Variants in AMY2B observed in about 807,000 individuals in gnomAD.
AMY2B encodes the protein alpha-amylase 2B.
A neutral mutation model predicts 59.3 loss-of-function variants in AMY2B; 63 were observed. The observed-to-expected ratio is 1.06, with a 90% CI of 0.87 to 1.31. AMY2B has a LOEUF of 1.31. Ranked by LOEUF, AMY2B falls within the 50% of genes most tolerant of loss-of-function variation. The pLI, the probability that AMY2B is intolerant of heterozygous loss-of-function variation, is 0.00. For synonymous variants in AMY2B, 180 were observed against 198.1 expected, an observed-to-expected ratio of 0.91 and a Z score of 0.77; for missense variants, 635 against 626.7, an observed-to-expected ratio of 1.01 and a Z score of -0.14.
chr1:103,575,479 C>A lies in AMY2B; in HGVS notation c.1040C>A (p.Pro347His). The A allele has an allele frequency of 2.5e-6, 4 of 1,613,598 alleles. No homozygotes were observed. Among genetic ancestry groups the A allele is most frequent in the Non-Finnish European group, 3.4e-6 (4 of 1,179,752 alleles). Residue 347 changes from proline to histidine, a missense_variant, in exon 7 of 10, where the codon CCT becomes CAT. Pro to His is a moderately conservative substitution (Grantham distance 77). Coordinates refer to ENST00000684275, the MANE Select transcript of AMY2B (RefSeq NM_001387437.1). ...KMAVGFMLAH[P>H]YGFTRVMSSY... is the part of the protein sequence containing the mutation. ...GCAGTTGGATTTATGCTTGCTCATCCTTATGGTTTTACACGAGTAATGTCA... is the reference window on the plus strand; with the variant it reads ...GCAGTTGGATTTATGCTTGCTCATCATTATGGTTTTACACGAGTAATGTCA...
chr1:103,571,297 C>A, upstream of AMY2B: 4 of 770,026 alleles, frequency 5.2e-6, no homozygotes, highest in Non-Finnish European at 7.4e-6. Flanking sequence ...GAGATGACAA[C>A]AAATTTTGGT....
chr1:103,564,830 T>G (rs1481155988), intron 1 of AMY2B, among the ~76,000 whole-genome samples: 2 of 152,312 alleles, frequency 1.3e-5, no homozygotes, highest in Non-Finnish European at 2.9e-5. Context: ...CCCATTTGTT[T>G]TAAAAATGGT....
At chr1:103,563,684 C>A (rs1232873038) in intron 1 of AMY2B, among the ~76,000 whole-genome samples, 2 of 152,004 alleles carry the variant, frequency 1.3e-5, no homozygotes, top group Non-Finnish European at 2.9e-5. Context: ...TAAATTATAT[C>A]TGCAAATTAT....
rs181030396 is a variant in AMY2B at position 103,563,282 on chromosome 1, G to A, written c.-206-2153G>A. On this transcript the variant is annotated intron_variant, in intron 1 of 11. Transcript: ENST00000361355. ...TGATAGTAACCGTTAGAGCTTTAGA[G>A]TAAAGGGAAGTTTTCTCTTTGTAGA... Among the ~76,000 whole-genome samples the A allele has an allele frequency of 2.1e-3, 325 of 152,186 alleles. 2 individuals carry two copies. The highest frequency in any genetic ancestry group is 3.9e-3 in the Non-Finnish European group (267 of 67,928).
upstream of AMY2B, chr1:103,571,107 G>A (rs552165453): frequency 8.9e-5 from 85 of 958,758 alleles, no homozygotes; most frequent in African/African-American, 1.5e-3. Flanking sequence ...CTGTCGGTCT[G>A]TCAGGGTTGG....
chr1:103,567,815 C>T (rs1651960869), upstream of AMY2B, among the ~76,000 whole-genome samples: 2 of 152,156 alleles, frequency 1.3e-5, no homozygotes, highest in Admixed American at 1.3e-4. Context: ...CACATGTGCT[C>T]TAGCCACACT....
At chr1:103,575,062 A>ATG (rs1652294966) in intron 5 of AMY2B, among the ~76,000 whole-genome samples, 161 bp from the exon 6 acceptor site, 1 of 13,818 alleles carries the variant, frequency 7.2e-5, no homozygotes, top group African/African-American at 4.9e-4. Context: ...GTGTGTATGT[A>ATG]TATATATATA....
At chr1:103,556,552 TATA>T (rs201612686) in intron 1 of AMY2B, among the ~76,000 whole-genome samples, 2,665 of 151,572 alleles carry the variant, frequency 0.018, 44 homozygotes, top group Middle Eastern at 0.031. Context: ...GAAATTAGAG[TATA>T]ATAATATATA....
chr1:103,555,110 G>A lies in AMY2B; in HGVS notation c.-207+1G>A, dbSNP rs1318586893. On this transcript the variant is annotated splice_donor_variant, in intron 1 of 11. Coordinates refer to the AMY2B transcript ENST00000361355. LOFTEE classifies it low-confidence loss of function (5UTR_SPLICE). ...AATTGACCACCTGGACTATGGAACT[G>A]TGCGTAACAGCTTTGAAAGTGTATT... 1.3e-5 allele frequency: 2 copies of A among 151,910 alleles called. No homozygotes were observed. The highest frequency in any genetic ancestry group is 4.8e-5 in the African/African-American group (2 of 41,380). The allele number at this position is 151,910 out of a possible 1,614,324, so 9.4% of individuals were successfully genotyped here.
At chr1:103,569,319 T>G, upstream of AMY2B, 1 of 159,136 alleles carries the variant, frequency 6.3e-6, no homozygotes, top group Non-Finnish European at 1.4e-5. Flanking sequence ...TAGATATGTG[T>G]GTGTTTGTGT....
intron 1 of AMY2B, among the ~76,000 whole-genome samples, chr1:103,560,860 A>G (rs373416234): frequency 7.9e-5 from 12 of 152,274 alleles, no homozygotes; most frequent in Admixed American, 2.0e-4. Context: ...TAACAATCCA[A>G]TGAAAGGGAA....
chr1:103,575,749 T>G (rs1038762459), intron 7 of AMY2B: 8 of 689,770 alleles, frequency 1.2e-5, no homozygotes, highest in Non-Finnish European at 1.5e-5. Context: ...TTTTCAGACA[T>G]ATGATAAACA....
chr1:103,573,348 A>G (rs1652214017), intron 3 of AMY2B, 88 bp downstream of exon 3: 2 of 1,592,922 alleles, frequency 1.3e-6, no homozygotes, highest in Non-Finnish European at 1.7e-6. Context: ...CATTTTAAAT[A>G]CGAATTTAGA....
intron 4 of AMY2B, 55 bp from the exon 5 acceptor site, chr1:103,574,205 T>C (rs1208448071): frequency 1.4e-5 from 22 of 1,610,538 alleles, no homozygotes; most frequent in East Asian, 2.2e-5. Context: ...ACTTATTGGT[T>C]AAAATGCTTT....
At chr1:103,554,784 G>A (rs1324221766) in exon 1 of AMY2B, 1 of 152,412 alleles carries the variant, frequency 6.6e-6, no homozygotes, top group Non-Finnish European at 1.5e-5. Flanking sequence ...TTGAAAATTC[G>A]GTTATTATCA....
rs147252214 is a variant in AMY2B at position 103,571,808 on chromosome 1, A to G, written c.168+38A>G. 253 of 1,611,900 alleles carry G rather than the reference A, an allele frequency of 1.6e-4. 2 individuals carry two copies. The African/African-American group carries it at 2.7e-3, about 18-fold the overall frequency. ...CATAGTATCAATTGCAGAATTCACT[A>G]TGCTTGTAGTAAATAGTATTCTGAT... On this transcript the variant is annotated intron_variant, in intron 1 of 9. Coordinates refer to ENST00000684275, the MANE Select transcript of AMY2B (RefSeq NM_001387437.1).
chr1:103,557,279 C>T (rs1348691067), intron 1 of AMY2B, among the ~76,000 whole-genome samples: 1 of 152,042 alleles, frequency 6.6e-6, no homozygotes, highest in Non-Finnish European at 1.5e-5. Context: ...GCCAGGATAT[C>T]AAGTAAGACT....
At chr1:103,560,628 C>T (rs1245784097) in intron 1 of AMY2B, among the ~76,000 whole-genome samples, 1 of 152,096 alleles carries the variant, frequency 6.6e-6, no homozygotes, top group African/African-American at 2.4e-5. Flanking sequence ...AAGTTAATGC[C>T]TATGTCCATT....
At chr1:103,559,304 A>G (rs1651660463) in intron 1 of AMY2B, among the ~76,000 whole-genome samples, 1 of 152,228 alleles carries the variant, frequency 6.6e-6, no homozygotes. Flanking sequence ...TATAATATTC[A>G]GTACAATAAC....
Sources: allele counts gnomAD v4.1 joint callset (sites outside exome capture counted in the v4.1 genomes callset), GRCh38; gene constraint gnomAD v4.1.1; transcripts MANE v1.5; gene names NCBI Gene and HGNC (gene_info 2026-07-23, HGNC 2026-07-21).